IFT122: variants seen among roughly 807,000 people sequenced by gnomAD.
IFT122 encodes intraflagellar transport 122.
IFT122 carries 118 observed loss-of-function variants against 161.6 expected under a neutral mutation model. The observed-to-expected ratio is 0.73, with a 90% confidence interval of 0.63 to 0.85. The LOEUF (loss-of-function observed/expected upper bound fraction) is 0.85. IFT122 is among the 40% of genes least tolerant of loss of function. The pLI is 0.00. For missense variants in IFT122, 1,381 were observed against 1,579.6 expected, an observed-to-expected ratio of 0.87 and a Z score of 2.13; for synonymous variants, 550 against 602.4, an observed-to-expected ratio of 0.91 and a Z score of 1.27.
chr3:129,496,510 G>A (rs2080865089), intron 18 of IFT122, among the ~76,000 whole-genome samples: 1 of 152,198 alleles, frequency 6.6e-6, no homozygotes, highest in South Asian at 2.1e-4. Flanking sequence ...ACTAATGGTA[G>A]TTCTCCAGCT....
rs1418368261 is a variant in IFT122, at chr3:129,467,018, A to G, written c.692A>G (p.Glu231Gly). The change falls in exon 8 of 30, where the codon GAG becomes GGG. Residue 231 changes from glutamate (E) to glycine (G), a missense_variant. Transcript: ENST00000348417. ...AVYSSQGSEA[E>G]EEEPEEEDDS... is the part of the protein sequence containing the mutation. ...TACAGTAGTCAGGGTAGTGAGGCAGAGGAGGAAGAACCAGAGGAAGAGGAC... is the reference window on the plus strand; with the variant it reads ...TACAGTAGTCAGGGTAGTGAGGCAGGGGAGGAAGAACCAGAGGAAGAGGAC... The G allele has an allele frequency of 4.3e-6, 7 of 1,614,112 alleles. No individual in the cohort carries two copies. The highest frequency in any genetic ancestry group is 5.9e-6 in the Non-Finnish European group (7 of 1,180,042).
At chr3:129,440,493 C>T (rs2072842896) in intron 1 of IFT122, 122 bp downstream of exon 1, 2 of 1,207,196 alleles carry the variant, frequency 1.7e-6, no homozygotes, top group Non-Finnish European at 2.4e-6. Context: ...CACTGAACCC[C>T]GGCCTGGGAG....
At chr3:129,451,274 T>A (rs901736852) in intron 2 of IFT122, among the ~76,000 whole-genome samples, 3 of 151,274 alleles carry the variant, frequency 2.0e-5, no homozygotes, top group Non-Finnish European at 4.4e-5. Flanking sequence ...AATTTTTATT[T>A]TTTTTTATTT....
At chr3:129,442,140 T>G (rs905170269) in intron 1 of IFT122, among the ~76,000 whole-genome samples, 1 of 152,234 alleles carries the variant, frequency 6.6e-6, no homozygotes, top group Admixed American at 6.5e-5. Flanking sequence ...AAACATTTGC[T>G]GGCCGAATGC....
At position 129,483,805 on chromosome 3, in the gene IFT122, G is replaced by A. The variant is rs116507758; in HGVS notation, c.1851+123G>A. On this transcript the variant is annotated intron_variant, in intron 15 of 29. Coordinates refer to ENST00000348417, the MANE Select transcript of IFT122 (RefSeq NM_052989.3). ...AGAGAAGAATGGCAGCTGTGAGGTC[G>A]TGGGAGGCAGTCTGGGCCTGGAACC... The A allele has an allele frequency of 0.016, 17,621 of 1,069,902 alleles. 181 individuals carry two copies. The highest frequency in any genetic ancestry group is 0.026 in the Middle Eastern group (95 of 3,662). 66.3% of individuals were successfully genotyped at this position (1,069,902 alleles called of 1,614,324 possible).
At chr3:129,466,777 A>G in intron 7 of IFT122, 113 bp from the exon 8 acceptor site, 2 of 971,286 alleles carry the variant, frequency 2.1e-6, no homozygotes, top group Non-Finnish European at 3.3e-6. Flanking sequence ...TGCTGGGATT[A>G]CAGGCGTGAG....
intron 17 of IFT122, among the ~76,000 whole-genome samples, chr3:129,493,943 C>T (rs1366575392): frequency 2.0e-5 from 3 of 152,186 alleles, no homozygotes; most frequent in African/African-American, 7.2e-5. Flanking sequence ...AAGTAAAGTG[C>T]CTTTGAGTGT....
At chr3:129,516,283 CCTG>C (rs1432669905) in intron 26 of IFT122, among the ~76,000 whole-genome samples, 1 of 112,964 alleles carries the variant, frequency 8.9e-6, no homozygotes, top group Non-Finnish European at 1.7e-5. Flanking sequence ...ACAGATTGCT[CCTG>C]CACACACACA....
intron 11 of IFT122, 98 bp downstream of exon 11, chr3:129,476,899 T>C: frequency 1.3e-6 from 2 of 1,524,878 alleles, no homozygotes; most frequent in South Asian, 2.3e-5. Flanking sequence ...AGGTTTCTCT[T>C]TGGCGTTTTG....
chr3:129,519,686 C>T lies in IFT122; in HGVS notation c.3590C>T (p.Ser1197Leu). ...CCCCTGAGGTGGCAATACTTCCGCTCACTGCTGCCTGACGCCTCCATTACC... is the reference window on the plus strand; with the variant it reads ...CCCCTGAGGTGGCAATACTTCCGCTTACTGCTGCCTGACGCCTCCATTACC... ...PPPLRWQYFR[S>L]LLPDASITMC... Residue 1197 changes from serine to leucine, a missense_variant, in exon 29 of 30, where the codon TCA (serine) becomes TTA (leucine). Physicochemically the swap from Ser to Leu is moderately radical, Grantham distance 145. Transcript: ENST00000348417. 1 of 1,613,836 alleles carries T rather than the reference C, an allele frequency of 6.2e-7. No individual in the cohort carries two copies. The highest frequency in any genetic ancestry group is 8.5e-7 in the Non-Finnish European group (1 of 1,180,026).
At chr3:129,485,289 C>CA (rs2079144169) in intron 15 of IFT122, among the ~76,000 whole-genome samples, 1 of 152,200 alleles carries the variant, frequency 6.6e-6, no homozygotes, top group African/African-American at 2.4e-5. Flanking sequence ...TAGGCTCTGT[C>CA]AGTCTGTTTT....
chr3:129,519,198 T>C lies in IFT122; in HGVS notation c.3471+12T>C. On this transcript the variant is annotated intron_variant, in intron 28 of 29. Coordinates refer to ENST00000348417, the MANE Select transcript of IFT122 (RefSeq NM_052989.3). ...AGCTGAGCTTTGAGGTGAGGGTGCC[T>C]CTCTGGGTGACCTGCAGGAGGGCAG... The C allele has an allele frequency of 6.2e-7, 1 of 1,612,022 alleles. No individual in the cohort carries two copies. Among genetic ancestry groups the C allele is most frequent in the South Asian group, 1.1e-5 (1 of 90,982 alleles).
Position 129,449,949 on chromosome 3 carries a change from T to C in IFT122, c.108+12T>C, listed in dbSNP as rs757797750. 6.3e-7 allele frequency: 1 copy of C among 1,591,910 alleles called. No individual in the cohort carries two copies. On this transcript the variant is annotated intron_variant, in intron 2 of 29. Coordinates refer to ENST00000348417, the MANE Select transcript of IFT122 (RefSeq NM_052989.3). ...GAAGCAGATTACTGGTAGGATTTTG[T>C]CTTAGTTTCCTCTTAAAGTGCTTCC...
In IFT122 at chr3:129,520,379, G is replaced by C. The variant is rs2084606916; in HGVS notation, c.*114G>C. Reference sequence around the variant, plus strand: ...TGTTTCTTGCCCAGATGAAGTTTGTGTTTTGTGGGGGGGGCCTTGTGTAAC... The same window carrying C: ...TGTTTCTTGCCCAGATGAAGTTTGTCTTTTGTGGGGGGGGCCTTGTGTAAC... On this transcript the variant is annotated 3_prime_UTR_variant, in exon 30 of 30. Coordinates refer to ENST00000348417, the MANE Select transcript of IFT122 (RefSeq NM_052989.3). 1 of 866,618 alleles carries C rather than the reference G, an allele frequency of 1.2e-6. No individual in the cohort carries two copies. The highest frequency in any genetic ancestry group is 1.9e-6 in the Non-Finnish European group (1 of 535,706). 53.7% of individuals were successfully genotyped at this position (866,618 alleles called of 1,614,324 possible).
chr3:129,490,166 T>C (rs538946119), intron 16 of IFT122, among the ~76,000 whole-genome samples: 1 of 152,308 alleles, frequency 6.6e-6, no homozygotes, highest in South Asian at 2.1e-4. Context: ...CCCAGCCAGA[T>C]TTACTATAGT....
At chr3:129,476,290 C>G in intron 9 of IFT122, 25 bp from the exon 10 acceptor site, 1 of 1,613,638 alleles carries the variant, frequency 6.2e-7, no homozygotes, top group Non-Finnish European at 8.5e-7. Flanking sequence ...TGGTTTTTCC[C>G]TTGCTGTGTG....
chr3:129,485,391 C>T (rs1409788775), intron 15 of IFT122, among the ~76,000 whole-genome samples: 1 of 152,150 alleles, frequency 6.6e-6, no homozygotes, highest in East Asian at 1.9e-4. Context: ...TGGGGAAATG[C>T]CCATCATCCA....
Position 129,449,853 on chromosome 3 carries a change from C to G in IFT122, c.42-18C>G. On this transcript the variant is annotated intron_variant, in intron 1 of 29. Transcript: ENST00000348417. ...CATTTTGGTTCCTAATTGTCTTTTT[C>G]CCTTGTCTTCTGTTCAGTATAAATG... 1.3e-6 allele frequency: 2 copies of G among 1,598,712 alleles called. No individual in the cohort carries two copies. The highest frequency in any genetic ancestry group is 1.7e-6 in the Non-Finnish European group (2 of 1,166,096).
chr3:129,519,098 T>C lies in IFT122; in HGVS notation c.3392-9T>C. Reference sequence around the variant, plus strand: ...GCTTCTGATTCCATCCTTGACCAGATCCCTCCAGGCTCCCAGATTCTGCGG... The same window carrying C: ...GCTTCTGATTCCATCCTTGACCAGACCCCTCCAGGCTCCCAGATTCTGCGG... On this transcript the variant is annotated splice_polypyrimidine_tract_variant and intron_variant, in intron 27 of 29. Coordinates refer to ENST00000348417, the MANE Select transcript of IFT122 (RefSeq NM_052989.3). 1 of 1,613,114 alleles carries C rather than the reference T, an allele frequency of 6.2e-7. No homozygotes were observed. The highest frequency in any genetic ancestry group is 8.5e-7 in the Non-Finnish European group (1 of 1,179,118).
Sources: gnomAD v4.1 joint callset for allele counts (sites outside exome capture counted in the v4.1 genomes callset) on GRCh38, gnomAD v4.1.1 for gene constraint, MANE v1.5 for transcripts, NCBI Gene and HGNC (gene_info 2026-07-23, HGNC 2026-07-21) for gene names.